Variants in TRIP12 observed in about 807,000 individuals in gnomAD.
TRIP12 encodes the protein thyroid hormone receptor interactor 12, also known as E3 ubiquitin-protein ligase TRIP12.
A neutral mutation model predicts 244.2 loss-of-function variants in TRIP12; 25 were observed. The observed-to-expected ratio is 0.10, with a 90% confidence interval of 0.07 to 0.14. The LOEUF (loss-of-function observed/expected upper bound fraction) is 0.14, where lower values mean the gene tolerates loss of function less well. Ranked by LOEUF, TRIP12 falls within the 10% of genes least tolerant of loss-of-function variation. The pLI is 1.00. For missense variants in TRIP12, 1,677 were observed against 2,486.4 expected (o/e 0.67, Z 6.92); for synonymous variants, 905 against 873.1 (o/e 1.04, Z -0.64).
chr2:229,919,603 G>C (rs1373931458), intron 1 of TRIP12, among the ~76,000 whole-genome samples: 1 of 149,212 alleles, frequency 6.7e-6, no homozygotes, highest in Non-Finnish European at 1.5e-5. Context: ...CAAACTTTTT[G>C]AAAGTAAATG....
chr2:229,883,187 T>G (rs998240528), intron 1 of TRIP12, among the ~76,000 whole-genome samples: 3 of 152,196 alleles, frequency 2.0e-5, no homozygotes, highest in Non-Finnish European at 2.9e-5. Context: ...AGTAATTTGT[T>G]GAAGAACCAG....
At position 229,766,351 on chromosome 2, in the gene TRIP12, T is replaced by C. The variant is rs1383160380; in HGVS notation, c.*1203A>G. ...AATACATCTATACAATTGAAAGTTA[T>C]GCATACAGCACAAAACTATAAACAA... is the stretch of plus-strand genomic sequence containing the variant. On this transcript the variant is annotated 3_prime_UTR_variant, in exon 42 of 42. Transcript: ENST00000675903. The C allele has an allele frequency of 3.9e-5, 6 of 152,246 alleles. No individual in the cohort carries two copies. The highest frequency in any genetic ancestry group is 1.4e-4 in the African/African-American group (6 of 41,468). 9.4% of individuals were successfully genotyped at this position (152,246 alleles called of 1,614,324 possible).
At chr2:229,782,253 C>G (rs931352490) in intron 34 of TRIP12, among the ~76,000 whole-genome samples, 3 of 152,052 alleles carry the variant, frequency 2.0e-5, no homozygotes, top group Admixed American at 2.0e-4. Flanking sequence ...CTTATGCCAG[C>G]AGTCCAGGGC....
chr2:229,873,441 A>G (rs962325786), intron 2 of TRIP12, among the ~76,000 whole-genome samples: 2 of 152,232 alleles, frequency 1.3e-5, no homozygotes. Flanking sequence ...CTGTATACTC[A>G]TTCAGTGAAT....
chr2:229,898,357 T>G (rs2069506009), intron 1 of TRIP12, among the ~76,000 whole-genome samples: 1 of 152,200 alleles, frequency 6.6e-6, no homozygotes, highest in Admixed American at 6.5e-5. Flanking sequence ...GCGCACGAAG[T>G]AACAACAATG....
intron 26 of TRIP12, among the ~76,000 whole-genome samples, chr2:229,793,712 AC>A (rs1206824283): frequency 6.6e-6 from 1 of 152,248 alleles, no homozygotes; most frequent in Non-Finnish European, 1.5e-5. Flanking sequence ...GGAGTCAGAT[AC>A]AAACTTAAAC....
chr2:229,853,873 A>G (rs1408174423), intron 4 of TRIP12, among the ~76,000 whole-genome samples: 1 of 152,188 alleles, frequency 6.6e-6, no homozygotes, highest in African/African-American at 2.4e-5. Context: ...TCATAACTAC[A>G]GCTGAATGAT....
At chr2:229,882,191 C>G (rs1356155901) in intron 1 of TRIP12, among the ~76,000 whole-genome samples, 1 of 152,110 alleles carries the variant, frequency 6.6e-6, no homozygotes, top group East Asian at 1.9e-4. Context: ...AATACAGTGC[C>G]AATCATGTAG....
In TRIP12 at chr2:229,765,501, T is replaced by C. The variant is rs1326655142; in HGVS notation, c.*2053A>G. The C allele has an allele frequency of 6.6e-6, 1 of 152,126 alleles. No homozygotes were observed. The highest frequency in any genetic ancestry group is 2.4e-5 in the African/African-American group (1 of 41,422). The allele number at this position is 152,126 out of a possible 1,614,324, so 9.4% of individuals were successfully genotyped here. A position where few individuals can be genotyped will look rare whatever the true frequency, so the allele number is the denominator to read the frequency against. On this transcript the variant is annotated 3_prime_UTR_variant, in exon 42 of 42. Transcript: ENST00000675903. ...GACTGACTTTGAAACACTCAAGACT[T>C]TAGAGTTTGAGTCAAAATCATCATA...
At chr2:229,810,604 T>A (rs918782412) in intron 15 of TRIP12, among the ~76,000 whole-genome samples, 1 of 152,204 alleles carries the variant, frequency 6.6e-6, no homozygotes, top group Non-Finnish European at 1.5e-5. Context: ...TAATCAAGGA[T>A]GGTTACATGA....
In TRIP12 at chr2:229,777,297, T is replaced by C; in HGVS notation, c.5529+18A>G. ...AAAATAAAGACTTGATCTACTGGAC[T>C]GTTTCTTCTAAGCCTACCTGGGATT... On this transcript the variant is annotated intron_variant, in intron 37 of 41. Coordinates refer to ENST00000675903, the MANE Select transcript of TRIP12 (RefSeq NM_001348323.3). 2 of 1,609,314 alleles carry C rather than the reference T, an allele frequency of 1.2e-6. No homozygotes were observed. The highest frequency in any genetic ancestry group is 1.7e-6 in the Non-Finnish European group (2 of 1,176,618).
chr2:229,917,381 A>AAAAAAAAAAAAAAC (rs2075672308), intron 1 of TRIP12, among the ~76,000 whole-genome samples: 1 of 27,686 alleles, frequency 3.6e-5, no homozygotes, highest in Non-Finnish European at 7.7e-5. Context: ...ACTCTGTCTC[A>AAAAAAAAAAAAAAC]AAAAAAAAAA....
At chr2:229,774,074 C>A in intron 38 of TRIP12, 23 bp downstream of exon 38, 1 of 1,604,152 alleles carries the variant, frequency 6.2e-7, no homozygotes, top group Non-Finnish European at 8.5e-7. Flanking sequence ...ACTGGCCTAC[C>A]CCCCAAAGAC....
chr2:229,806,621 T>C (rs948236366), intron 17 of TRIP12, among the ~76,000 whole-genome samples: 169 of 152,288 alleles, frequency 1.1e-3, no homozygotes, highest in African/African-American at 3.8e-3. Flanking sequence ...GACTTAGAGT[T>C]AGAGACCAGG....
At chr2:229,798,620 T>C (rs2043410485) in intron 23 of TRIP12, among the ~76,000 whole-genome samples, 3 of 152,164 alleles carry the variant, frequency 2.0e-5, no homozygotes, top group Admixed American at 2.0e-4. Context: ...AGGAATACAA[T>C]GTGGTTTTGA....
chr2:229,838,421 T>C (rs2055402427), intron 5 of TRIP12, among the ~76,000 whole-genome samples: 1 of 152,136 alleles, frequency 6.6e-6, no homozygotes, highest in Non-Finnish European at 1.5e-5. Context: ...AAGCAGAATC[T>C]CAACTAATTC....
intron 1 of TRIP12, among the ~76,000 whole-genome samples, chr2:229,907,883 T>C (rs1299015614): frequency 1.3e-5 from 2 of 152,154 alleles, no homozygotes; most frequent in African/African-American, 4.8e-5. Context: ...TTAAATGTTT[T>C]ACATATATTA....
chr2:229,799,180 C>A, intron 22 of TRIP12, 103 bp downstream of exon 22: 1 of 1,517,818 alleles, frequency 6.6e-7, no homozygotes, highest in Non-Finnish European at 9.1e-7. Flanking sequence ...CCTCAGGAAA[C>A]TTAGGCATAC....
intron 40 of TRIP12, 135 bp from the exon 41 acceptor site, chr2:229,768,854 CTTAAA>C (rs1228982478): frequency 4.1e-6 from 3 of 727,912 alleles, no homozygotes; most frequent in Non-Finnish European, 6.3e-6. Flanking sequence ...TTACAATGTA[CTTAAA>C]TTCGTTTCTG....
Sources: gnomAD v4.1 joint callset for allele counts (sites outside exome capture counted in the v4.1 genomes callset) on GRCh38, gnomAD v4.1.1 for gene constraint, MANE v1.5 for transcripts, NCBI Gene and HGNC (gene_info 2026-07-23, HGNC 2026-07-21) for gene names.